Variants in NCBP3 observed in about 807,000 individuals in gnomAD.
The protein encoded by NCBP3 is nuclear cap-binding protein subunit 3.
A neutral mutation model predicts 75.7 loss-of-function variants in NCBP3; 20 were observed. The ratio of observed to expected loss-of-function variants is 0.26; its 90% CI spans 0.19 to 0.38. The LOEUF (loss-of-function observed/expected upper bound fraction) is 0.38. NCBP3 is among the 10% of genes least tolerant of loss of function. The pLI, the probability that NCBP3 is intolerant of heterozygous loss-of-function variation, is 1.00. For missense variants in NCBP3, 678 were observed against 796.9 expected (o/e 0.85, Z 1.80); for synonymous variants, 293 against 290.5 (o/e 1.01, Z -0.09).
At chr17:3,821,755 A>G (rs2053669725) in intron 8 of NCBP3, among the ~76,000 whole-genome samples, 198 bp downstream of exon 8, 1 of 152,178 alleles carries the variant, frequency 6.6e-6, no homozygotes, top group Non-Finnish European at 1.5e-5. Flanking sequence ...CGTTGACACA[A>G]TGTTAGGTAC....
intron 2 of NCBP3, 89 bp from the exon 3 acceptor site, chr17:3,840,294 G>C: frequency 9.5e-7 from 1 of 1,049,756 alleles, no homozygotes. Context: ...TGACAAACCT[G>C]AACTAAAAAA....
chr17:3,822,839 A>ACCAG (rs1474434820), intron 7 of NCBP3: 4 of 152,206 alleles, frequency 2.6e-5, no homozygotes, highest in African/African-American at 9.7e-5. Flanking sequence ...AACCATGCCC[A>ACCAG]CCAGCTCCTT....
intron 7 of NCBP3, 93 bp downstream of exon 7, chr17:3,824,849 C>T: frequency 3.2e-6 from 2 of 628,902 alleles, no homozygotes; most frequent in South Asian, 5.0e-5. Flanking sequence ...TTTGAGATTA[C>T]TTGATCTAAC....
intron 6 of NCBP3, 131 bp from the exon 7 acceptor site, chr17:3,825,181 G>A: frequency 3.8e-6 from 2 of 531,452 alleles, no homozygotes; most frequent in Non-Finnish European, 6.5e-6. Context: ...TTCCGCTGTA[G>A]AATTTCTAAC....
intron 3 of NCBP3, among the ~76,000 whole-genome samples, chr17:3,836,876 C>A (rs1032314595): frequency 1.3e-5 from 2 of 151,984 alleles, no homozygotes; most frequent in Non-Finnish European, 2.9e-5. Context: ...GATGGCCTGG[C>A]GCAATGGCTC....
At position 3,812,842 on chromosome 17, in the gene NCBP3, T is replaced by A; in HGVS notation, c.*202A>T. 4.3e-6 allele frequency: 6 copies of A among 1,410,834 alleles called. No individual in the cohort carries two copies. Among genetic ancestry groups the A allele is most frequent in the South Asian group, 1.5e-5 (1 of 65,782 alleles). 87.4% of individuals were successfully genotyped at this position (1,410,834 alleles called of 1,614,324 possible). On this transcript the variant is annotated 3_prime_UTR_variant, in exon 13 of 13. Transcript: ENST00000389005. The stretch of plus-strand genomic sequence containing the variant: ...GGGAAAGGAATCGAGGGCCCAGAAC[T>A]ACAACTCTGCAGCGAAAGATAGAGA...
Position 3,818,397 on chromosome 17 carries a change from G to T in NCBP3, c.1176C>A (p.Ser392=). ...CATCTGAGTCTGAGCTGCTGGCACT[G>T]GATCGTCTAGACGCGCTCCGCTCCC... ...QPRERSASRR[S]SASSSDSDEM... The change falls in exon 10 of 13, where the codon TCC becomes TCA. Residue 392 remains serine, a synonymous_variant. Coordinates refer to ENST00000389005, the MANE Select transcript of NCBP3 (RefSeq NM_001114118.3). The surrounding 1 kb of genome is among the most constrained non-coding windows in gnomAD (Gnocchi z 4.7). The T allele has an allele frequency of 6.2e-7, 1 of 1,614,118 alleles. No individual in the cohort carries two copies.
At position 3,816,195 on chromosome 17, in the gene NCBP3, T is replaced by C; in HGVS notation, c.1386A>G (p.Lys462=). 6.2e-7 allele frequency: 1 copy of C among 1,614,140 alleles called. No individual in the cohort carries two copies. Among genetic ancestry groups the C allele is most frequent in the Non-Finnish European group, 8.5e-7 (1 of 1,180,014 alleles). Residue 462 remains lysine, a synonymous_variant, in exon 11 of 13, where the codon AAA becomes AAG. Coordinates refer to ENST00000389005, the MANE Select transcript of NCBP3 (RefSeq NM_001114118.3). The part of the protein sequence containing the change: ...NRIGNKLPPE[K]FADVRHLLDE... The stretch of plus-strand genomic sequence containing the variant: ...CTAATAGATGTCGGACATCTGCAAA[T>C]TTCTCAGGTGGTAATTTGTTACCAA...
chr17:3,820,359 G>C (rs2053638454), intron 9 of NCBP3, among the ~76,000 whole-genome samples: 1 of 152,184 alleles, frequency 6.6e-6, no homozygotes, highest in Non-Finnish European at 1.5e-5. Flanking sequence ...ATAAATGTGT[G>C]TATATGTTAT....
chr17:3,836,166 T>C (rs2053968494), intron 3 of NCBP3, among the ~76,000 whole-genome samples: 1 of 152,218 alleles, frequency 6.6e-6, no homozygotes, highest in Non-Finnish European at 1.5e-5. Flanking sequence ...TGACGCCTAG[T>C]GTGGATGCAG....
At chr17:3,830,553 C>T (rs1183148) in intron 3 of NCBP3, among the ~76,000 whole-genome samples, 9,450 of 152,236 alleles carry the variant, frequency 0.062, 474 homozygotes, top group African/African-American at 0.12. Context: ...AGGTTGAAGG[C>T]TATGGTCAAA....
At position 3,807,280 on chromosome 17, in the gene NCBP3, T is replaced by C. The variant is rs2053346447; in HGVS notation, c.*5764A>G. 6.6e-6 allele frequency: 1 copy of C among 152,216 alleles called. No homozygotes were observed. The highest frequency in any genetic ancestry group is 1.5e-5 in the Non-Finnish European group (1 of 68,032). The allele number at this position is 152,216 out of a possible 1,614,324, so 9.4% of individuals were successfully genotyped here. A position where few individuals can be genotyped will look rare whatever the true frequency, so the allele number is the denominator to read the frequency against. ...TCTATCCCGGGACAGATGAATGCTT[T>C]TCTAAAAAATATTTTGGACCATCTG... On this transcript the variant is annotated 3_prime_UTR_variant, in exon 13 of 13. Coordinates refer to ENST00000389005, the MANE Select transcript of NCBP3 (RefSeq NM_001114118.3).
intron 1 of NCBP3, among the ~76,000 whole-genome samples, chr17:3,845,007 T>G (rs1413635345): frequency 6.6e-6 from 1 of 152,156 alleles, no homozygotes; most frequent in African/African-American, 2.4e-5. Context: ...ACAACTGCAG[T>G]AATATTTATT....
chr17:3,835,178 G>A (rs541689929), intron 3 of NCBP3, among the ~76,000 whole-genome samples: 1 of 152,324 alleles, frequency 6.6e-6, no homozygotes, highest in Admixed American at 6.5e-5. Flanking sequence ...AAATCAACAA[G>A]ATGTAATTTA....
chr17:3,826,455 T>C (rs1020656505), intron 4 of NCBP3, among the ~76,000 whole-genome samples: 1 of 151,732 alleles, frequency 6.6e-6, no homozygotes, highest in Non-Finnish European at 1.5e-5. Context: ...CTGGGCAACA[T>C]AGTGACACCC....
Position 3,806,086 on chromosome 17 carries a change from CTT to C in NCBP3, c.*6956_*6957del, listed in dbSNP as rs377149279. 1 of 146,026 alleles carries C rather than the reference CTT, an allele frequency of 6.8e-6. No individual in the cohort carries two copies. The highest frequency in any genetic ancestry group is 1.5e-5 in the Non-Finnish European group (1 of 66,898). The allele number at this position is 146,026 out of a possible 1,614,324, so 9.0% of individuals were successfully genotyped here. A position where few individuals can be genotyped will look rare whatever the true frequency, so the allele number is the denominator to read the frequency against. ...AGGGACAGGAAGGTGAGAATCCTTT[CTT>C]TTTTTTTTGAGACGGAGTCTCGCTC... On this transcript the variant is annotated 3_prime_UTR_variant, in exon 13 of 13. Coordinates refer to ENST00000389005, the MANE Select transcript of NCBP3 (RefSeq NM_001114118.3).
rs765817847 is a variant in NCBP3 at position 3,825,046 on chromosome 17, T to A, written c.692A>T (p.Asp231Val). 6.6e-7 allele frequency: 1 copy of A among 1,507,014 alleles called. No homozygotes were observed. The allele number at this position is 1,507,014 out of a possible 1,614,324, so 93.4% of individuals were successfully genotyped here. Residue 231 changes from aspartate to valine, a missense_variant, in exon 7 of 13, where the codon GAT becomes GTT. This residue lies in a region of NCBP3 where 98 missense variants were observed against 101.8 expected (regional missense o/e 0.96). Coordinates refer to ENST00000389005, the MANE Select transcript of NCBP3 (RefSeq NM_001114118.3). ...EDENSSDVEL[D>V]TLSQVEEESL... Reference sequence around the variant, plus strand: ...CTCCTCTTCTACCTGAGACAACGTATCCAACTTAAGAAAGAAGAGTATTTT... The same window carrying A: ...CTCCTCTTCTACCTGAGACAACGTAACCAACTTAAGAAAGAAGAGTATTTT...
At chr17:3,840,048 A>C in intron 3 of NCBP3, 52 bp downstream of exon 3, 3 of 1,419,700 alleles carry the variant, frequency 2.1e-6, no homozygotes, top group Non-Finnish European at 1.9e-6. Context: ...ATGGCAGGGA[A>C]AAGGCACTCT....
chr17:3,824,895 A>C lies in NCBP3; in HGVS notation c.796+47T>G, dbSNP rs528644943. The C allele has an allele frequency of 4.2e-4, 462 of 1,098,190 alleles. 8 individuals are homozygous for C. In the South Asian group the frequency reaches 6.6e-3, roughly 16 times the overall value. 68.0% of individuals were successfully genotyped at this position (1,098,190 alleles called of 1,614,324 possible). On this transcript the variant is annotated intron_variant, in intron 7 of 12. Transcript: ENST00000389005. Reference sequence around the variant, plus strand: ...AAAAGAAGGATGTCACTCCATAATAAATCATTTTGATTGAAAATATAAAAC... The same window carrying C: ...AAAAGAAGGATGTCACTCCATAATACATCATTTTGATTGAAAATATAAAAC...
Sources: gnomAD v4.1 joint callset for allele counts (sites outside exome capture counted in the v4.1 genomes callset) on GRCh38, gnomAD v4.1.1 for gene constraint, gnomAD v4.1.1 regional missense constraint, Gnocchi (gnomAD v3.1) non-coding constraint, MANE v1.5 for transcripts, NCBI Gene and HGNC (gene_info 2026-07-23, HGNC 2026-07-21) for gene names.